The following PTPRN2 variants were observed in gnomAD, a reference collection of about 807,000 sequenced individuals.
PTPRN2 encodes protein tyrosine phosphatase receptor type N2.
Under a neutral mutation model 118.8 loss-of-function variants are expected in PTPRN2, and 74 were observed. That is an observed-to-expected ratio of 0.62 (90% CI 0.52 to 0.76). The LOEUF (loss-of-function observed/expected upper bound fraction) is 0.76. Ranked by LOEUF, PTPRN2 falls within the 30% of genes least tolerant of loss-of-function variation. The pLI is 0.00. For missense variants in PTPRN2, 1,481 were observed against 1,394.4 expected (o/e 1.06, Z -0.99); for synonymous variants, 641 against 608.0 (o/e 1.05, Z -0.80).
intron 12 of PTPRN2, among the ~76,000 whole-genome samples, chr7:157,683,839 C>A (rs1176434687): frequency 6.6e-6 from 1 of 152,164 alleles, no homozygotes; most frequent in East Asian, 1.9e-4. Context: ...CCGCAGACCG[C>A]GCGCCCTGCA....
At chr7:157,951,011 C>T (rs1405760289) in intron 11 of PTPRN2, among the ~76,000 whole-genome samples, 5 of 152,166 alleles carry the variant, frequency 3.3e-5, no homozygotes, top group African/African-American at 1.2e-4. Context: ...GGTTGACCTT[C>T]ATTTGTTTTA....
chr7:157,974,588 G>A lies in PTPRN2; in HGVS notation c.1724-75851C>T, dbSNP rs1802594792. Reference sequence around the variant, plus strand: ...ACATCTCTGGTCTCAGCCGGCAGGGGTGGGTGGGACCTCAGACCTCAGCGG... The same window carrying A: ...ACATCTCTGGTCTCAGCCGGCAGGGATGGGTGGGACCTCAGACCTCAGCGG... On this transcript the variant is annotated intron_variant, in intron 11 of 22. Transcript: ENST00000389418. The surrounding 1 kb of genome is among the most constrained non-coding windows in gnomAD (Gnocchi z 4.0). Among the ~76,000 whole-genome samples the A allele has an allele frequency of 6.6e-6, 1 of 151,980 alleles. No homozygotes were observed. Among genetic ancestry groups the A allele is most frequent in the Non-Finnish European group, 1.5e-5 (1 of 68,000 alleles).
intron 2 of PTPRN2, among the ~76,000 whole-genome samples, chr7:158,341,638 A>G (rs10229299): frequency 1.9e-4 from 4 of 21,378 alleles, no homozygotes; most frequent in Admixed American, 3.8e-4. Flanking sequence ...GAGGTAACAC[A>G]TGCAGACGTC....
At chr7:158,442,753 G>A (rs1451759892) in intron 2 of PTPRN2, among the ~76,000 whole-genome samples, 1 of 152,186 alleles carries the variant, frequency 6.6e-6, no homozygotes, top group African/African-American at 2.4e-5. Context: ...TTTCTCCTGT[G>A]TGCTTTAATT....
At chr7:158,527,770 G>C (rs1168928507) in intron 1 of PTPRN2, among the ~76,000 whole-genome samples, 2 of 152,124 alleles carry the variant, frequency 1.3e-5, no homozygotes, top group South Asian at 2.1e-4. Flanking sequence ...GTGTACATGG[G>C]GCTGGGGCCA....
intron 13 of PTPRN2, among the ~76,000 whole-genome samples, chr7:157,677,680 T>C (rs745662990): frequency 6.6e-6 from 1 of 152,296 alleles, no homozygotes; most frequent in Non-Finnish European, 1.5e-5. Context: ...TGATGATCTA[T>C]ACTGAACACA....
Position 158,324,196 on chromosome 7 carries a change from G to A in PTPRN2, c.164-7264C>T, listed in dbSNP as rs186878828. On this transcript the variant is annotated intron_variant, in intron 2 of 22. Coordinates refer to ENST00000389418, the MANE Select transcript of PTPRN2 (RefSeq NM_002847.5). ...GACAAGACGGCACCTCGCCTCTACC[G>A]CCCTGCAGGACCACCCTCTCCCCGG... 3.3e-5 allele frequency among the ~76,000 whole-genome samples: 5 copies of A among 152,192 alleles called. No homozygotes were observed. In the East Asian group the frequency reaches 7.8e-4, roughly 24 times the overall value.
chr7:158,332,836 G>T (rs1804772688), intron 2 of PTPRN2, among the ~76,000 whole-genome samples: 1 of 144,664 alleles, frequency 6.9e-6, no homozygotes, highest in South Asian at 2.2e-4. Context: ...ACCATAAGAG[G>T]TGACACATGC....
intron 10 of PTPRN2, 148 bp from the exon 11 acceptor site, chr7:158,081,525 G>T: frequency 8.6e-6 from 6 of 700,248 alleles, no homozygotes; most frequent in South Asian, 8.5e-5. Flanking sequence ...ACTGGACGTC[G>T]GTTTTCCTTC....
intron 2 of PTPRN2, among the ~76,000 whole-genome samples, chr7:158,324,135 G>A (rs1031779459): frequency 2.6e-5 from 4 of 151,876 alleles, no homozygotes; most frequent in East Asian, 1.9e-4. Context: ...AAACTCACAC[G>A]CCCACACGCG....
intron 9 of PTPRN2, among the ~76,000 whole-genome samples, chr7:158,117,475 G>T (rs1394864574): frequency 1.3e-5 from 2 of 151,068 alleles, no homozygotes; most frequent in Non-Finnish European, 3.0e-5. Flanking sequence ...GTGCCCAAAA[G>T]AAAAAAAAGA....
chr7:158,551,542 T>A lies in PTPRN2; in HGVS notation c.112+36016A>T, dbSNP rs371746608. On this transcript the variant is annotated intron_variant, in intron 1 of 22. Coordinates refer to ENST00000389418, the MANE Select transcript of PTPRN2 (RefSeq NM_002847.5). The stretch of plus-strand genomic sequence containing the variant: ...GCATCTGGAGTGGGGCTCTAACACA[T>A]GCATTTGGGGGCCCCAGCTCCTAAC... 6.9e-3 allele frequency among the ~76,000 whole-genome samples: 899 copies of A among 130,948 alleles called. 4 individuals carry two copies. Among genetic ancestry groups the A allele is most frequent in the South Asian group, 0.025 (87 of 3,466 alleles). 85.9% of individuals were successfully genotyped at this position (130,948 alleles called of 152,430 possible).
rs71545591 is a variant in PTPRN2 at position 158,331,167 on chromosome 7, T to G, written c.164-14235A>C. On this transcript the variant is annotated intron_variant, in intron 2 of 22. Transcript: ENST00000389418. ...GCAGACGTCACTCACACCCACACTC[T>G]CACCAGAAGAGCTGTCACACGCAGA... Among the ~76,000 whole-genome samples the G allele has an allele frequency of 4.2e-3, 559 of 132,378 alleles. 20 individuals are homozygous for G. Among genetic ancestry groups the G allele is most frequent in the Admixed American group, 6.7e-3 (86 of 12,860 alleles). The allele number at this position is 132,378 out of a possible 152,430, so 86.8% of individuals were successfully genotyped here. A position where few individuals can be genotyped will look rare whatever the true frequency, so the allele number is the denominator to read the frequency against.
rs1178386883 is a variant in PTPRN2, at chr7:158,570,997, G to A, written c.112+16561C>T. The stretch of plus-strand genomic sequence containing the variant: ...GAGCCTTCCCAGCAGCCGCCGCCAT[G>A]GCTGACGCACTGGCAGGAGCCGCAC... On this transcript the variant is annotated intron_variant, in intron 1 of 22. Transcript: ENST00000389418. This position sits in a 1 kb window ranked among gnomAD's most constrained non-coding sequence, Gnocchi z 4.5. 6.6e-6 allele frequency among the ~76,000 whole-genome samples: 1 copy of A among 152,146 alleles called. No homozygotes were observed. Among genetic ancestry groups the A allele is most frequent in the Non-Finnish European group, 1.5e-5 (1 of 68,032 alleles).
At chr7:158,090,692 A>G (rs1257139167) in intron 10 of PTPRN2, among the ~76,000 whole-genome samples, 1 of 152,242 alleles carries the variant, frequency 6.6e-6, no homozygotes, top group Non-Finnish European at 1.5e-5. Context: ...TGAGACAAAC[A>G]TACCAGCCCT....
rs535682770 is a variant in PTPRN2, at chr7:158,210,568, C to G, written c.278-5295G>C. Among the ~76,000 whole-genome samples the G allele has an allele frequency of 2.0e-5, 3 of 151,942 alleles. No individual in the cohort carries two copies. In the South Asian group the frequency reaches 6.3e-4, roughly 32 times the overall value. ...TTTTGAAAAGATAAAATTGACAAAC[C>G]ATTTTCTAGTCTAAGAAAAAAAGAG... On this transcript the variant is annotated intron_variant, in intron 3 of 22. Transcript: ENST00000389418.
intron 1 of PTPRN2, among the ~76,000 whole-genome samples, chr7:158,522,176 T>TGCTGGCTCAGGAGGGAGGTCC (rs2129447885): frequency 2.5e-5 from 2 of 79,588 alleles, no homozygotes; most frequent in East Asian, 5.2e-4. Flanking sequence ...ACTGTCCGGG[T>TGCTGGCTCAGGAGGGAGGTCC]ACTGGCTCGG....
chr7:157,542,054 C>T (rs1294218627), intron 22 of PTPRN2, among the ~76,000 whole-genome samples: 2 of 152,190 alleles, frequency 1.3e-5, no homozygotes, highest in African/African-American at 4.8e-5. Flanking sequence ...TCTGCCTGCG[C>T]CCCGTCTCTC....
intron 1 of PTPRN2, among the ~76,000 whole-genome samples, chr7:158,554,695 G>A (rs1391407068): frequency 6.6e-6 from 1 of 152,166 alleles, no homozygotes; most frequent in Non-Finnish European, 1.5e-5. Flanking sequence ...GAGGGGGAGT[G>A]GGATGTGGGG....
Sources: gnomAD v4.1 joint callset for allele counts (sites outside exome capture counted in the v4.1 genomes callset) on GRCh38, gnomAD v4.1.1 for gene constraint, Gnocchi (gnomAD v3.1) non-coding constraint, MANE v1.5 for transcripts, NCBI Gene and HGNC (gene_info 2026-07-23, HGNC 2026-07-21) for gene names.